PRKN: variants seen among roughly 807,000 people sequenced by gnomAD.
PRKN encodes the protein E3 ubiquitin-protein ligase parkin.
A neutral mutation model predicts 59.5 loss-of-function variants in PRKN; 56 were observed. The observed-to-expected ratio is 0.94, with a 90% CI of 0.76 to 1.18. The LOEUF is 1.18. PRKN is among the 50% of genes most tolerant of loss of function. PRKN has a pLI of 0.00. For synonymous variants in PRKN, 250 were observed against 222.1 expected, an observed-to-expected ratio of 1.13 and a Z score of -1.12; for missense variants, 657 against 596.4, an observed-to-expected ratio of 1.10 and a Z score of -1.06.
chr6:162,644,259 C>CGA (rs2128225177), intron 1 of PRKN, among the ~76,000 whole-genome samples: 2 of 152,296 alleles, frequency 1.3e-5, no homozygotes, highest in Admixed American at 1.3e-4. Context: ...ACAGTCCACA[C>CGA]CATCCTCCAG....
At chr6:162,545,589 T>C (rs1779086530) in intron 1 of PRKN, among the ~76,000 whole-genome samples, 1 of 152,190 alleles carries the variant, frequency 6.6e-6, no homozygotes, top group Non-Finnish European at 1.5e-5. Flanking sequence ...CTTCCTTATA[T>C]ATGAGGAAAA....
At chr6:162,446,264 T>C (rs1790313417) in intron 1 of PRKN, among the ~76,000 whole-genome samples, 1 of 152,182 alleles carries the variant, frequency 6.6e-6, no homozygotes, top group Non-Finnish European at 1.5e-5. Context: ...AAATTTCATT[T>C]TCTACTAGTG....
chr6:161,359,903 T>C lies in PRKN; in HGVS notation c.1285+185A>G, dbSNP rs1027104979. On this transcript the variant is annotated intron_variant, in intron 11 of 11. Transcript: ENST00000366898. This position sits in a 1 kb window ranked among gnomAD's most constrained non-coding sequence, Gnocchi z 5.4. ...CTCACATAGCCATGGAACTACTCAC[T>C]CATTAAATATTTCTGTGTAACAAAA... 6.6e-6 allele frequency among the ~76,000 whole-genome samples: 1 copy of C among 152,204 alleles called. No individual in the cohort carries two copies. The highest frequency in any genetic ancestry group is 2.4e-5 in the African/African-American group (1 of 41,450).
At chr6:162,691,682 G>T (rs1214144420) in intron 1 of PRKN, among the ~76,000 whole-genome samples, 1 of 152,086 alleles carries the variant, frequency 6.6e-6, no homozygotes, top group Non-Finnish European at 1.5e-5. Flanking sequence ...TCCAGTTAAT[G>T]ACATACTTCT....
intron 6 of PRKN, among the ~76,000 whole-genome samples, chr6:161,956,302 T>C (rs2128247178): frequency 6.6e-6 from 1 of 152,274 alleles, no homozygotes; most frequent in East Asian, 1.9e-4. Context: ...TCAGCGGGTG[T>C]CCTTGAGCAC....
At chr6:161,796,871 C>T (rs1790872183) in intron 6 of PRKN, among the ~76,000 whole-genome samples, 1 of 152,204 alleles carries the variant, frequency 6.6e-6, no homozygotes, top group Non-Finnish European at 1.5e-5. Flanking sequence ...CATATCTTGT[C>T]TTTGTTTTTG....
At chr6:162,238,797 T>C (rs1461290272) in intron 3 of PRKN, among the ~76,000 whole-genome samples, 4 of 152,144 alleles carry the variant, frequency 2.6e-5, no homozygotes, top group Non-Finnish European at 4.4e-5. Flanking sequence ...CCAGAGCCAC[T>C]GGAGGTACAA....
intron 5 of PRKN, among the ~76,000 whole-genome samples, chr6:162,010,381 T>C (rs1356115977): frequency 9.9e-6 from 1 of 101,140 alleles, no homozygotes; most frequent in African/African-American, 4.1e-5. Context: ...ATTTATAATA[T>C]ATAATATATA....
At chr6:161,819,841 CAT>C (rs1402419209) in intron 6 of PRKN, among the ~76,000 whole-genome samples, 8 of 152,118 alleles carry the variant, frequency 5.3e-5, no homozygotes, top group Admixed American at 5.2e-4. Context: ...AGATATTTAA[CAT>C]GTGCTTAGAA....
At chr6:162,618,755 C>G (rs1486058251) in intron 1 of PRKN, among the ~76,000 whole-genome samples, 4 of 152,218 alleles carry the variant, frequency 2.6e-5, no homozygotes, top group Non-Finnish European at 4.4e-5. Flanking sequence ...GAAACTCCCC[C>G]CCAAAAGTTA....
intron 2 of PRKN, among the ~76,000 whole-genome samples, chr6:162,424,576 A>C (rs1789132355): frequency 6.6e-6 from 1 of 152,040 alleles, no homozygotes; most frequent in African/African-American, 2.4e-5. Flanking sequence ...TCTACTAAAA[A>C]TACAAAAAAA....
chr6:162,495,165 TCTTA>T (rs1793001321), intron 1 of PRKN, among the ~76,000 whole-genome samples: 1 of 152,242 alleles, frequency 6.6e-6, no homozygotes, highest in African/African-American at 2.4e-5. Flanking sequence ...CTCTTTCAGC[TCTTA>T]CTAATGAAAA....
rs985004583 is a variant in PRKN, at chr6:161,378,400, G to A, written c.1167+8394C>T. On this transcript the variant is annotated intron_variant, in intron 10 of 11. Transcript: ENST00000366898. The surrounding 1 kb of genome is among the most constrained non-coding windows in gnomAD (Gnocchi z 7.3). Reference sequence around the variant, plus strand: ...CCACACCGCCAACATTCAACCTGCCGGCAACAAAGAGCGGCACGGAGTCCT... The same window carrying A: ...CCACACCGCCAACATTCAACCTGCCAGCAACAAAGAGCGGCACGGAGTCCT... 2.0e-5 allele frequency among the ~76,000 whole-genome samples: 3 copies of A among 152,164 alleles called. No individual in the cohort carries two copies. The highest frequency in any genetic ancestry group is 7.2e-5 in the African/African-American group (3 of 41,444).
At chr6:161,946,585 T>A (rs1001772743) in intron 6 of PRKN, among the ~76,000 whole-genome samples, 12 of 152,136 alleles carry the variant, frequency 7.9e-5, no homozygotes, top group Admixed American at 7.9e-4. Context: ...AGGGGTGTCC[T>A]CACAGTGAAT....
intron 1 of PRKN, among the ~76,000 whole-genome samples, chr6:162,520,575 G>A (rs1211675638): frequency 6.6e-6 from 1 of 152,002 alleles, no homozygotes; most frequent in Non-Finnish European, 1.5e-5. Flanking sequence ...TGAACCTCTT[G>A]CCAAATATTA....
chr6:162,078,589 C>T (rs1373248813), intron 4 of PRKN, among the ~76,000 whole-genome samples: 1 of 152,032 alleles, frequency 6.6e-6, no homozygotes, highest in Non-Finnish European at 1.5e-5. Flanking sequence ...TAGTGTCAAA[C>T]ATTTTTAAGT....
chr6:162,544,685 T>C (rs1472519858), intron 1 of PRKN, among the ~76,000 whole-genome samples: 6 of 140,724 alleles, frequency 4.3e-5, no homozygotes, highest in Non-Finnish European at 1.5e-5. Context: ...TTTTTTTTTT[T>C]TTTTTTTTTT....
intron 1 of PRKN, among the ~76,000 whole-genome samples, chr6:162,491,654 T>C (rs748474549): frequency 6.6e-6 from 1 of 152,098 alleles, no homozygotes; most frequent in Non-Finnish European, 1.5e-5. Context: ...GGCAGCTGGC[T>C]CAGGGGGTCA....
At chr6:161,873,309 T>C (rs1187965384) in intron 6 of PRKN, among the ~76,000 whole-genome samples, 2 of 151,968 alleles carry the variant, frequency 1.3e-5, no homozygotes, top group Non-Finnish European at 2.9e-5. Flanking sequence ...GCTCCATGTT[T>C]GGAACATGCT....
Sources: gnomAD v4.1 joint callset for allele counts (sites outside exome capture counted in the v4.1 genomes callset) on GRCh38, gnomAD v4.1.1 for gene constraint, Gnocchi (gnomAD v3.1) non-coding constraint, MANE v1.5 for transcripts, NCBI Gene and HGNC (gene_info 2026-07-23, HGNC 2026-07-21) for gene names.